NPFFR2: variants seen among roughly 807,000 people sequenced by gnomAD.
NPFFR2 encodes G-protein coupled receptor 74.
Under a neutral mutation model 13.1 loss-of-function variants are expected in NPFFR2, and 15 were observed. The ratio of observed to expected loss-of-function variants is 1.15; its 90% CI spans 0.77 to 1.76. NPFFR2 has a LOEUF of 1.76. Ranked by LOEUF, NPFFR2 falls within the 40% of genes most tolerant of loss-of-function variation. NPFFR2 has a pLI of 0.00. For missense variants in NPFFR2, 572 were observed against 503.5 expected (o/e 1.14, Z -1.30); for synonymous variants, 190 against 175.7 (o/e 1.08, Z -0.65).
At chr4:72,103,629 C>T (rs943934658) in intron 1 of NPFFR2, among the ~76,000 whole-genome samples, 2 of 151,924 alleles carry the variant, frequency 1.3e-5, no homozygotes, top group African/African-American at 4.8e-5. Context: ...AATTTAAAAT[C>T]TAATAATTGT....
intron 1 of NPFFR2, among the ~76,000 whole-genome samples, chr4:72,087,760 G>A (rs1289700071): frequency 6.6e-6 from 1 of 152,038 alleles, no homozygotes; most frequent in Non-Finnish European, 1.5e-5. Flanking sequence ...AAATGGAAGG[G>A]ACTGGAGAGT....
In NPFFR2 at chr4:72,128,713, A is replaced by C; in HGVS notation, c.122A>C (p.Gln41Pro). 1 of 1,614,170 alleles carries C rather than the reference A, an allele frequency of 6.2e-7. No homozygotes were observed. Among genetic ancestry groups the C allele is most frequent in the Non-Finnish European group, 8.5e-7 (1 of 1,179,998 alleles). Residue 41 changes from glutamine to proline, a missense_variant, in exon 2 of 4, where the codon CAG becomes CCG. Transcript: ENST00000308744. ...NITYVNYYLH[Q>P]PQVAAIFIIS... ...ACCTATGTGAACTACTATCTTCACC[A>C]GCCTCAAGTGGCAGCAATCTTCATT...
chr4:72,049,534 TG>T (rs1219373788), intron 1 of NPFFR2, among the ~76,000 whole-genome samples: 1 of 152,108 alleles, frequency 6.6e-6, no homozygotes, highest in East Asian at 1.9e-4. Context: ...TGCTGTTTGA[TG>T]TTTAGACAGC....
intron 1 of NPFFR2, among the ~76,000 whole-genome samples, chr4:72,104,462 T>C (rs1337270584): frequency 6.6e-6 from 1 of 152,046 alleles, no homozygotes; most frequent in East Asian, 1.9e-4. Context: ...GAACGTGAAA[T>C]GTTTTTGTAC....
At chr4:72,084,011 T>G (rs1366848444) in intron 1 of NPFFR2, among the ~76,000 whole-genome samples, 1 of 152,110 alleles carries the variant, frequency 6.6e-6, no homozygotes, top group Non-Finnish European at 1.5e-5. Context: ...CCATCCATCC[T>G]TTTCTCTATA....
chr4:72,137,117 A>G (rs1288896029), intron 2 of NPFFR2, among the ~76,000 whole-genome samples: 1 of 152,116 alleles, frequency 6.6e-6, no homozygotes, highest in Non-Finnish European at 1.5e-5. Context: ...CACTAGAGTC[A>G]CTCAAGCATT....
At chr4:72,109,007 C>T (rs775125823) in intron 1 of NPFFR2, among the ~76,000 whole-genome samples, 1 of 151,970 alleles carries the variant, frequency 6.6e-6, no homozygotes, top group Non-Finnish European at 1.5e-5. Flanking sequence ...ATTACAAACC[C>T]TCTAATACAC....
intron 1 of NPFFR2, among the ~76,000 whole-genome samples, chr4:72,039,949 T>C (rs567515331): frequency 4.6e-5 from 7 of 152,306 alleles, no homozygotes; most frequent in South Asian, 4.1e-4. Flanking sequence ...CTTAACTACT[T>C]GTGAAATTAA....
intron 1 of NPFFR2, among the ~76,000 whole-genome samples, chr4:72,089,086 G>T (rs1215477263): frequency 6.6e-6 from 1 of 151,972 alleles, no homozygotes; most frequent in South Asian, 2.1e-4. Context: ...ACGATGTTTG[G>T]TTTTCCATTT....
At chr4:72,119,237 G>A (rs1721798750) in intron 1 of NPFFR2, among the ~76,000 whole-genome samples, 1 of 151,954 alleles carries the variant, frequency 6.6e-6, no homozygotes, top group African/African-American at 2.4e-5. Flanking sequence ...CAAGGATATG[G>A]GCAAAAAATA....
intron 1 of NPFFR2, among the ~76,000 whole-genome samples, chr4:72,082,827 C>T (rs1423290187): frequency 6.6e-6 from 1 of 152,076 alleles, no homozygotes; most frequent in Non-Finnish European, 1.5e-5. Context: ...ACCCCAGCCC[C>T]CACTCCCTGG....
chr4:72,112,612 T>A (rs1560414815), intron 1 of NPFFR2, among the ~76,000 whole-genome samples: 1 of 152,044 alleles, frequency 6.6e-6, no homozygotes, highest in Non-Finnish European at 1.5e-5. Flanking sequence ...TGCGTCTTTC[T>A]GATCATCAAA....
At chr4:72,089,288 G>A (rs1437957729) in intron 1 of NPFFR2, among the ~76,000 whole-genome samples, 3 of 151,826 alleles carry the variant, frequency 2.0e-5, no homozygotes, top group East Asian at 1.9e-4. Flanking sequence ...TGCTATAAAC[G>A]TCTGTGTGTA....
At chr4:72,044,062 A>T (rs545745175) in intron 1 of NPFFR2, among the ~76,000 whole-genome samples, 264 of 152,232 alleles carry the variant, frequency 1.7e-3, no homozygotes, top group Non-Finnish European at 2.4e-3. Flanking sequence ...ACAAGATCTG[A>T]TGGTTTTATA....
chr4:72,137,690 C>A (rs1455634811), intron 2 of NPFFR2, among the ~76,000 whole-genome samples: 1 of 152,112 alleles, frequency 6.6e-6, no homozygotes, highest in African/African-American at 2.4e-5. Context: ...ATGCTCCTAA[C>A]TAGCCGTGGC....
rs140530073 is a variant in NPFFR2, at chr4:72,126,599, C to T, written c.-7-1986C>T. Among the ~76,000 whole-genome samples, 48 of 152,278 alleles carry T rather than the reference C, an allele frequency of 3.2e-4. 2 individuals carry two copies. The East Asian group carries it at 8.5e-3, about 27-fold the overall frequency. The stretch of plus-strand genomic sequence containing the variant: ...TTAAATGATGAGTGGCTCACTATGC[C>T]TAGACTGTTTGTACAAACAACATGG... On this transcript the variant is annotated intron_variant, in intron 1 of 3. Transcript: ENST00000308744.
At chr4:72,146,348 A>C (rs1722782128) in intron 3 of NPFFR2, among the ~76,000 whole-genome samples, 2 of 152,198 alleles carry the variant, frequency 1.3e-5, no homozygotes, top group Non-Finnish European at 2.9e-5. Context: ...CTGGATTTTA[A>C]GAGGAAGCAT....
chr4:72,124,365 A>G (rs754705212), intron 1 of NPFFR2, among the ~76,000 whole-genome samples: 12 of 152,144 alleles, frequency 7.9e-5, no homozygotes, highest in Non-Finnish European at 1.6e-4. Flanking sequence ...TCAAGCTACG[A>G]CTGACTTTCT....
At chr4:72,049,235 C>G (rs1235409979) in intron 1 of NPFFR2, among the ~76,000 whole-genome samples, 2 of 151,982 alleles carry the variant, frequency 1.3e-5, no homozygotes, top group Non-Finnish European at 2.9e-5. Context: ...AAACAGAAAC[C>G]AAAGTACATA....
Sources: gnomAD v4.1 joint callset for allele counts (sites outside exome capture counted in the v4.1 genomes callset) on GRCh38, gnomAD v4.1.1 for gene constraint, MANE v1.5 for transcripts, NCBI Gene and HGNC (gene_info 2026-07-23, HGNC 2026-07-21) for gene names.